The following ECT2 variants were observed in gnomAD, a reference collection of about 807,000 sequenced individuals.
ECT2 encodes protein ECT2.
A neutral mutation model predicts 116.9 loss-of-function variants in ECT2; 61 were observed. The observed-to-expected ratio is 0.52, with a 90% confidence interval of 0.42 to 0.65. The LOEUF is 0.65. Among genes scored for constraint, ECT2 ranks in the 30% least tolerant of loss-of-function variants. The pLI, the probability that ECT2 is intolerant of heterozygous loss-of-function variation, is 0.00. For missense variants in ECT2, 937 were observed against 1,078.7 expected (o/e 0.87, Z 1.84); for synonymous variants, 358 against 346.4 (o/e 1.03, Z -0.37).
At chr3:172,771,002 T>C (rs1720523129) in intron 13 of ECT2, among the ~76,000 whole-genome samples, 1 of 152,196 alleles carries the variant, frequency 6.6e-6, no homozygotes, top group Non-Finnish European at 1.5e-5. Flanking sequence ...GTGTTGTGCA[T>C]CAGAAAAAGC....
At chr3:172,769,235 TA>T (rs1720153927) in intron 13 of ECT2, 92 bp downstream of exon 13, 1 of 1,243,766 alleles carries the variant, frequency 8.0e-7, no homozygotes, top group East Asian at 2.5e-5. Flanking sequence ...GAAAATTATA[TA>T]AACATAGTAT....
At chr3:172,819,712 T>A (rs1030665405) in intron 24 of ECT2, among the ~76,000 whole-genome samples, 1 of 152,056 alleles carries the variant, frequency 6.6e-6, no homozygotes, top group Non-Finnish European at 1.5e-5. Context: ...TCTTTGAGAG[T>A]GTATGACTTA....
intron 1 of ECT2, 119 bp from the exon 2 acceptor site, chr3:172,754,390 G>T: frequency 1.5e-6 from 1 of 683,332 alleles, no homozygotes. Flanking sequence ...ACTTTCTTTG[G>T]TTCATTAAAA....
At chr3:172,828,734 C>T in the ECT2 span, 7 of 528,322 alleles carry the variant, frequency 1.3e-5, no homozygotes, top group East Asian at 1.1e-4. Context: ...TGGAGCCTCA[C>T]GTGGCGAAGA....
rs80102242 is a variant in ECT2, at chr3:172,821,108, T to A, written c.*871T>A. ...GAAGTTGCCATCAGTTTTACTAATCTTCTGTGAAATGCATAGATATGCGCA... is the reference window on the plus strand; with the variant it reads ...GAAGTTGCCATCAGTTTTACTAATCATCTGTGAAATGCATAGATATGCGCA... On this transcript the variant is annotated 3_prime_UTR_variant, in exon 25 of 25. Coordinates refer to ENST00000392692, the MANE Select transcript of ECT2 (RefSeq NM_001258315.2). 75 of 152,054 alleles carry A rather than the reference T, an allele frequency of 4.9e-4. No homozygotes were observed. The East Asian group carries it at 0.014, about 29-fold the overall frequency. 9.4% of individuals were successfully genotyped at this position (152,054 alleles called of 1,614,324 possible). A position where few individuals can be genotyped will look rare whatever the true frequency, so the allele number is the denominator to read the frequency against.
At chr3:172,804,333 C>CT (rs1039103645) in intron 20 of ECT2, among the ~76,000 whole-genome samples, 1 of 151,860 alleles carries the variant, frequency 6.6e-6, no homozygotes, top group Non-Finnish European at 1.5e-5. Context: ...ATGAAAAATA[C>CT]TTTTTTTTGG....
intron 14 of ECT2, among the ~76,000 whole-genome samples, chr3:172,774,650 G>T (rs2108539440): frequency 6.6e-6 from 1 of 152,030 alleles, no homozygotes; most frequent in Non-Finnish European, 1.5e-5. Context: ...ATGCAACCAT[G>T]CCTGGCTAAT....
chr3:172,759,768 A>G, intron 6 of ECT2, among the ~76,000 whole-genome samples: 1 of 152,132 alleles, frequency 6.6e-6, no homozygotes, highest in East Asian at 1.9e-4. Context: ...TTGGTTCACA[A>G]TACTTTGTTG....
chr3:172,809,231 GA>G (rs1560020401), intron 22 of ECT2, among the ~76,000 whole-genome samples: 1 of 151,798 alleles, frequency 6.6e-6, no homozygotes, highest in African/African-American at 2.4e-5. Flanking sequence ...CCCTAATACT[GA>G]AATGAAACAT....
At chr3:172,757,479 G>C (rs550885699) in intron 5 of ECT2, among the ~76,000 whole-genome samples, 1 of 140,568 alleles carries the variant, frequency 7.1e-6, no homozygotes, top group South Asian at 2.3e-4. Flanking sequence ...GCAGTGGCAC[G>C]ATCTCAGCTC....
chr3:172,808,240 T>TA (rs1249611585), intron 22 of ECT2, among the ~76,000 whole-genome samples: 1 of 152,096 alleles, frequency 6.6e-6, no homozygotes, highest in Non-Finnish European at 1.5e-5. Flanking sequence ...TAGACATGGC[T>TA]AAAAATTAGA....
downstream of ECT2, among the ~76,000 whole-genome samples, chr3:172,824,737 T>G (rs1045786423): frequency 3.9e-5 from 6 of 152,238 alleles, no homozygotes; most frequent in African/African-American, 1.2e-4. Context: ...TTTTTACAAT[T>G]GCAGAGTACT....
chr3:172,803,096 TC>T (rs1727025290), intron 20 of ECT2, 116 bp downstream of exon 20: 1 of 979,932 alleles, frequency 1.0e-6, no homozygotes, highest in Non-Finnish European at 1.4e-6. Context: ...ACTCAAGTAA[TC>T]TTTTTTTAAA....
chr3:172,752,867 A>T (rs1716178958), intron 1 of ECT2, among the ~76,000 whole-genome samples: 2 of 152,332 alleles, frequency 1.3e-5, no homozygotes, highest in South Asian at 4.1e-4. Context: ...TGAGACAGGA[A>T]GCTGAGTTGC....
intron 1 of ECT2, among the ~76,000 whole-genome samples, chr3:172,753,582 G>C (rs969521384): frequency 2.0e-5 from 3 of 152,160 alleles, no homozygotes; most frequent in Admixed American, 1.3e-4. Context: ...TACTGACAAG[G>C]GACCAGCCCA....
intron 14 of ECT2, among the ~76,000 whole-genome samples, chr3:172,778,586 ATC>A (rs1722157131): frequency 8.5e-6 from 1 of 117,352 alleles, no homozygotes. Context: ...GCTATTAGCT[ATC>A]TTTTTTTTTT....
intron 21 of ECT2, 130 bp from the exon 22 acceptor site, chr3:172,807,640 G>A: frequency 9.7e-7 from 1 of 1,035,042 alleles, no homozygotes; most frequent in Non-Finnish European, 1.4e-6. Context: ...ATTAAAAATA[G>A]GACAAGGAAA....
chr3:172,760,520 G>C (rs1346578647), intron 7 of ECT2, among the ~76,000 whole-genome samples: 3 of 151,604 alleles, frequency 2.0e-5, no homozygotes, highest in African/African-American at 7.3e-5. Context: ...GGGCTTAAGT[G>C]ATCCTCCTGC....
At chr3:172,814,820 A>G (rs1395713938) in intron 22 of ECT2, among the ~76,000 whole-genome samples, 1 of 152,246 alleles carries the variant, frequency 6.6e-6, no homozygotes, top group East Asian at 1.9e-4. Context: ...AAAATCCACT[A>G]TTCTGGTTAT....
Sources: gnomAD v4.1 joint callset for allele counts (sites outside exome capture counted in the v4.1 genomes callset) on GRCh38, gnomAD v4.1.1 for gene constraint, MANE v1.5 for transcripts, NCBI Gene and HGNC (gene_info 2026-07-23, HGNC 2026-07-21) for gene names.